OXSR1: variants seen among roughly 807,000 people sequenced by gnomAD.
The protein encoded by OXSR1 is oxidative stress responsive kinase 1.
A neutral mutation model predicts 79.8 loss-of-function variants in OXSR1; 24 were observed. The ratio of observed to expected loss-of-function variants is 0.30; its 90% CI spans 0.22 to 0.42. The LOEUF (loss-of-function observed/expected upper bound fraction) is 0.42, where lower values mean the gene tolerates loss of function less well. OXSR1 is among the 10% of genes least tolerant of loss of function. The pLI is 1.00. For synonymous variants in OXSR1, 226 were observed against 209.2 expected (o/e 1.08, Z -0.69); for missense variants, 430 against 618.4 (o/e 0.70, Z 3.23).
chr3:38,200,394 G>A (rs940922734), intron 4 of OXSR1, among the ~76,000 whole-genome samples: 4 of 152,126 alleles, frequency 2.6e-5, no homozygotes, highest in Non-Finnish European at 5.9e-5. Flanking sequence ...CTATGATGTT[G>A]AAAAACTCAG....
chr3:38,235,078 G>A (rs903107254), intron 10 of OXSR1, among the ~76,000 whole-genome samples: 5 of 152,190 alleles, frequency 3.3e-5, no homozygotes, highest in African/African-American at 1.2e-4. Flanking sequence ...ACTTAGGACT[G>A]GGGGTTTTGG....
intron 1 of OXSR1, among the ~76,000 whole-genome samples, chr3:38,175,114 A>G (rs896224467): frequency 2.6e-5 from 4 of 152,188 alleles, no homozygotes; most frequent in African/African-American, 7.2e-5. Context: ...TCATCTTTCA[A>G]AACAGCCTGG....
intron 8 of OXSR1, among the ~76,000 whole-genome samples, chr3:38,228,146 C>A (rs115498028): frequency 0.018 from 2,710 of 152,240 alleles, 37 homozygotes; most frequent in Middle Eastern, 0.031. Flanking sequence ...GACTTTAACC[C>A]AGAGTTCTCC....
chr3:38,210,949 G>A (rs1286079261), intron 4 of OXSR1, among the ~76,000 whole-genome samples: 1 of 152,146 alleles, frequency 6.6e-6, no homozygotes, highest in Non-Finnish European at 1.5e-5. Flanking sequence ...TAACAAGATA[G>A]TGGCCCTGAT....
intron 14 of OXSR1, 131 bp from the exon 15 acceptor site, chr3:38,249,835 C>T (rs1420557945): frequency 1.4e-5 from 9 of 660,158 alleles, no homozygotes; most frequent in Non-Finnish European, 1.4e-5. Flanking sequence ...GTGAACATAT[C>T]TGAATACATC....
At position 38,233,184 on chromosome 3, in the gene OXSR1, C is replaced by T. The variant is rs139353309; in HGVS notation, c.951+2754C>T. 2.0e-4 allele frequency among the ~76,000 whole-genome samples: 30 copies of T among 152,308 alleles called. No individual in the cohort carries two copies. In the East Asian group the frequency reaches 5.6e-3, roughly 28 times the overall value. The stretch of plus-strand genomic sequence containing the variant: ...CAGGCACAGTTAAACATGGGAATAA[C>T]TTACTGAAAAGGGCATTTAAGTAAT... On this transcript the variant is annotated intron_variant, in intron 10 of 17. Coordinates refer to ENST00000311806, the MANE Select transcript of OXSR1 (RefSeq NM_005109.3).
chr3:38,186,667 T>C (rs1301040030), intron 2 of OXSR1, among the ~76,000 whole-genome samples: 1 of 152,216 alleles, frequency 6.6e-6, no homozygotes, highest in Non-Finnish European at 1.5e-5. Flanking sequence ...TGAATAACAG[T>C]CCATTATATA....
intron 8 of OXSR1, among the ~76,000 whole-genome samples, chr3:38,227,392 T>C (rs1437718536): frequency 2.6e-5 from 4 of 152,106 alleles, no homozygotes; most frequent in Admixed American, 6.5e-5. Context: ...ACCCATGCAA[T>C]TGGACTAGAG....
chr3:38,234,265 A>T (rs1702873010), intron 10 of OXSR1, among the ~76,000 whole-genome samples: 1 of 152,242 alleles, frequency 6.6e-6, no homozygotes. Context: ...TTTATCAAAA[A>T]TTAAGACTTT....
chr3:38,227,886 A>T (rs1702724874), intron 8 of OXSR1, among the ~76,000 whole-genome samples: 2 of 152,216 alleles, frequency 1.3e-5, no homozygotes, highest in South Asian at 4.1e-4. Flanking sequence ...ATAACACAAC[A>T]GTTGAGGCCA....
Position 38,216,137 on chromosome 3 carries a change from C to T in OXSR1, c.476C>T (p.Ser159Leu), listed in dbSNP as rs189939988. The T allele has an allele frequency of 4.4e-6, 7 of 1,588,018 alleles. No homozygotes were observed. The highest frequency in any genetic ancestry group is 1.7e-4 in the Middle Eastern group (1 of 5,792). Residue 159 changes from serine to leucine, a missense_variant, in exon 5 of 18, where the codon TCA (serine) becomes TTA (leucine). Transcript: ENST00000311806. ...AGNILLGEDG[S>L]VQIADFGVSA... ...AACATTCTTCTTGGAGAAGATGGCT[C>T]AGTACAGATTGCAGGTAATGATTAG...
Position 38,181,629 on chromosome 3 carries a change from C to T in OXSR1, c.71-1374C>T, listed in dbSNP as rs563188853. Among the ~76,000 whole-genome samples, 111 of 152,256 alleles carry T rather than the reference C, an allele frequency of 7.3e-4. 2 individuals are homozygous for T. The South Asian group carries it at 0.023, about 31-fold the overall frequency. On this transcript the variant is annotated intron_variant, in intron 1 of 17. Transcript: ENST00000311806. The stretch of plus-strand genomic sequence containing the variant: ...CCTCCCAAAGTGCTGGGATTACAGG[C>T]GTGAGCCACCATGCCCGGCCTGTTT...
intron 10 of OXSR1, chr3:38,230,778 T>C (rs1038258841): frequency 5.1e-6 from 1 of 194,678 alleles, no homozygotes; most frequent in African/African-American, 2.4e-5. Flanking sequence ...ACTCCAAATT[T>C]TCTACTGCCT....
chr3:38,183,201 TTTC>T, intron 2 of OXSR1, 86 bp downstream of exon 2: 1 of 580,048 alleles, frequency 1.7e-6, no homozygotes. Context: ...TTTTGATTTG[TTTC>T]TTTTTAAAAA....
In OXSR1 at chr3:38,252,867, A is replaced by T. The variant is rs754321210; in HGVS notation, c.1560A>T (p.Gly520=). The T allele has an allele frequency of 8.1e-6, 13 of 1,613,582 alleles. No homozygotes were observed. The East Asian group carries it at 2.2e-4, about 28-fold the overall frequency. The change falls in exon 18 of 18, where the codon GGA becomes GGT. Residue 520 remains glycine (G), a synonymous_variant. Coordinates refer to ENST00000311806, the MANE Select transcript of OXSR1 (RefSeq NM_005109.3). ...SDIPDDGKLI[G]FAQLSIS ...TTCCTGATGATGGTAAACTGATAGG[A>T]TTTGCCCAGCTCAGCATCAGCTAAA...
At chr3:38,190,642 C>A in intron 2 of OXSR1, 89 bp from the exon 3 acceptor site, 1 of 744,620 alleles carries the variant, frequency 1.3e-6, no homozygotes, top group South Asian at 1.6e-5. Context: ...GTGACACAGT[C>A]TTGAGATTTC....
intron 11 of OXSR1, among the ~76,000 whole-genome samples, chr3:38,241,100 A>C (rs1703024108): frequency 6.6e-6 from 1 of 152,190 alleles, no homozygotes; most frequent in African/African-American, 2.4e-5. Context: ...CAAGGGAAAA[A>C]AATAAGGTTT....
intron 3 of OXSR1, among the ~76,000 whole-genome samples, chr3:38,194,559 A>G (rs537845202): frequency 2.0e-5 from 3 of 152,296 alleles, no homozygotes; most frequent in Non-Finnish European, 4.4e-5. Flanking sequence ...TAAAAATTAA[A>G]AAGAATAATA....
chr3:38,206,917 A>G (rs947340999), intron 4 of OXSR1, among the ~76,000 whole-genome samples: 2 of 152,188 alleles, frequency 1.3e-5, no homozygotes, highest in East Asian at 1.9e-4. Context: ...TTATTTTCTC[A>G]TGTATAACAT....
Sources: allele counts gnomAD v4.1 joint callset (sites outside exome capture counted in the v4.1 genomes callset), GRCh38; gene constraint gnomAD v4.1.1; transcripts MANE v1.5; gene names NCBI Gene and HGNC (gene_info 2026-07-23, HGNC 2026-07-21).